Variants in CACNA2D2 observed in about 807,000 individuals in gnomAD.
CACNA2D2 encodes voltage-dependent calcium channel subunit alpha-2/delta-2.
CACNA2D2 carries 48 observed loss-of-function variants against 166.4 expected under a neutral mutation model. That is an observed-to-expected ratio of 0.29 (90% confidence interval 0.23 to 0.37). The LOEUF (loss-of-function observed/expected upper bound fraction) is 0.37, where lower values mean the gene tolerates loss of function less well. Ranked by LOEUF, CACNA2D2 falls within the 10% of genes least tolerant of loss-of-function variation. The probability of loss-of-function intolerance (pLI) is 1.00; values close to 1 mark genes in which losing one functional copy is unlikely to be tolerated. For missense variants in CACNA2D2, 1,122 were observed against 1,433.0 expected, an observed-to-expected ratio of 0.78 and a Z score of 3.50; for synonymous variants, 561 against 573.7, an observed-to-expected ratio of 0.98 and a Z score of 0.32.
chr3:50,367,361 G>C lies in CACNA2D2; in HGVS notation c.2401+33C>G. On this transcript the variant is annotated intron_variant, in intron 27 of 37. Transcript: ENST00000424201. This position sits in a 1 kb window ranked among gnomAD's most constrained non-coding sequence, Gnocchi z 6.5. ...GCAGACAGGGAAGCTGAGGCTCCCT[G>C]CCTGCTGCTGGGCACACTGCGGGGA... 1 of 1,584,426 alleles carries C rather than the reference G, an allele frequency of 6.3e-7. No individual in the cohort carries two copies. The highest frequency in any genetic ancestry group is 8.7e-7 in the Non-Finnish European group (1 of 1,154,208).
chr3:50,375,536 TG>T lies in CACNA2D2; in HGVS notation c.1907+107del. 1 of 1,190,904 alleles carries T rather than the reference TG, an allele frequency of 8.4e-7. No individual in the cohort carries two copies. Among genetic ancestry groups the T allele is most frequent in the Non-Finnish European group, 1.2e-6 (1 of 816,908 alleles). 73.8% of individuals were successfully genotyped at this position (1,190,904 alleles called of 1,614,324 possible). A position where few individuals can be genotyped will look rare whatever the true frequency, so the allele number is the denominator to read the frequency against. The stretch of plus-strand genomic sequence containing the variant: ...GTGAGTAGTGAGCAGCCCTGGCCAC[TG>T]GTGCCCCACTGGGATGGTGGTCACA... On this transcript the variant is annotated intron_variant, in intron 21 of 37. Coordinates refer to ENST00000424201, the MANE Select transcript of CACNA2D2 (RefSeq NM_006030.4). The surrounding 1 kb of genome is among the most constrained non-coding windows in gnomAD (Gnocchi z 4.0).
At chr3:50,391,034 C>T (rs1204112865) in intron 4 of CACNA2D2, among the ~76,000 whole-genome samples, 3 of 152,234 alleles carry the variant, frequency 2.0e-5, no homozygotes, top group African/African-American at 4.8e-5. Context: ...AGCCGTCTGT[C>T]GCTGGCTTGG....
chr3:50,471,947 G>T (rs1710117348), intron 2 of CACNA2D2, among the ~76,000 whole-genome samples: 1 of 152,240 alleles, frequency 6.6e-6, no homozygotes, highest in Admixed American at 6.5e-5. Context: ...ATAAGAAATG[G>T]AGACACACAG....
At chr3:50,381,760 G>A (rs1705327291) in intron 6 of CACNA2D2, among the ~76,000 whole-genome samples, 1 of 151,982 alleles carries the variant, frequency 6.6e-6, no homozygotes, top group African/African-American at 2.4e-5. Flanking sequence ...GTATACCTGT[G>A]TCTAACCTGT....
chr3:50,371,797 G>A (rs1294212958), intron 22 of CACNA2D2, among the ~76,000 whole-genome samples: 4 of 152,050 alleles, frequency 2.6e-5, no homozygotes, highest in East Asian at 1.9e-4. Context: ...AAAGGAGGGC[G>A]AAGGAGCAGG....
intron 3 of CACNA2D2, among the ~76,000 whole-genome samples, chr3:50,404,417 G>A (rs991085180): frequency 1.3e-5 from 2 of 152,120 alleles, no homozygotes; most frequent in Admixed American, 1.3e-4. Context: ...AGAAGTCCCC[G>A]GGGCTCTGCT....
chr3:50,414,131 A>G (rs1426422699), intron 3 of CACNA2D2, among the ~76,000 whole-genome samples: 1 of 152,178 alleles, frequency 6.6e-6, no homozygotes, highest in Non-Finnish European at 1.5e-5. Flanking sequence ...CAGCACAGCT[A>G]CAGACATCTC....
At chr3:50,420,263 T>C (rs980796610) in intron 3 of CACNA2D2, among the ~76,000 whole-genome samples, 2 of 152,210 alleles carry the variant, frequency 1.3e-5, no homozygotes, top group African/African-American at 4.8e-5. Context: ...GAAGGCTCCA[T>C]GCATGGTCCT....
intron 3 of CACNA2D2, among the ~76,000 whole-genome samples, chr3:50,402,861 T>C (rs532882566): frequency 9.8e-5 from 15 of 152,326 alleles, no homozygotes; most frequent in African/African-American, 3.6e-4. Flanking sequence ...ACCATGCAGA[T>C]AGCATTGGGT....
At chr3:50,440,770 C>G (rs997064463) in intron 2 of CACNA2D2, among the ~76,000 whole-genome samples, 5 of 152,070 alleles carry the variant, frequency 3.3e-5, no homozygotes, top group Non-Finnish European at 4.4e-5. Flanking sequence ...TCCCTGCCCT[C>G]CTGGGACTCT....
At chr3:50,466,270 G>A (rs942742113) in intron 2 of CACNA2D2, among the ~76,000 whole-genome samples, 5 of 141,318 alleles carry the variant, frequency 3.5e-5, no homozygotes, top group Non-Finnish European at 6.1e-5. Context: ...GTGTGTGTGC[G>A]CATGTGTGTG....
Position 50,456,752 on chromosome 3 carries a change from C to T in CACNA2D2, c.288+19366G>A, listed in dbSNP as rs192228674. 2.0e-3 allele frequency among the ~76,000 whole-genome samples: 297 copies of T among 152,276 alleles called. 3 individuals are homozygous for T. Among genetic ancestry groups the T allele is most frequent in the African/African-American group, 6.5e-3 (271 of 41,534 alleles). On this transcript the variant is annotated intron_variant, in intron 2 of 37. Coordinates refer to ENST00000424201, the MANE Select transcript of CACNA2D2 (RefSeq NM_006030.4). ...GAACACGGATAGTGTCCTGTTCCAC[C>T]GCCTGGTTTTACAAGAGAAAATTCA...
chr3:50,435,540 G>T (rs759100630), intron 2 of CACNA2D2, among the ~76,000 whole-genome samples: 27 of 151,304 alleles, frequency 1.8e-4, no homozygotes, highest in Non-Finnish European at 2.7e-4. Flanking sequence ...AGATAAGGAG[G>T]GGGGAGAGGC....
chr3:50,411,085 ACTGG>A (rs1706991573), intron 3 of CACNA2D2, among the ~76,000 whole-genome samples: 2 of 152,150 alleles, frequency 1.3e-5, no homozygotes, highest in Non-Finnish European at 2.9e-5. Flanking sequence ...GGGGTGGCTC[ACTGG>A]GCTGTGGCTC....
At chr3:50,463,536 CA>C (rs1179350530) in intron 2 of CACNA2D2, among the ~76,000 whole-genome samples, 1 of 152,146 alleles carries the variant, frequency 6.6e-6, no homozygotes, top group Non-Finnish European at 1.5e-5. Context: ...TCTATGCAGC[CA>C]AGGAAGCACT....
At position 50,503,338 on chromosome 3, in the gene CACNA2D2, G is replaced by C. The variant is rs1361376529; in HGVS notation, c.86C>G (p.Pro29Arg). 6 of 377,116 alleles carry C rather than the reference G, an allele frequency of 1.6e-5. No individual in the cohort carries two copies. Among genetic ancestry groups the C allele is most frequent in the Non-Finnish European group, 2.6e-5 (6 of 229,332 alleles). The allele number at this position is 377,116 out of a possible 1,614,324, so 23.4% of individuals were successfully genotyped here. The change falls in exon 1 of 38, where the codon CCT becomes CGT. Residue 29 changes from proline to arginine, a missense_variant. By Grantham distance (103) the Pro-to-Arg change is moderately radical. Coordinates refer to ENST00000424201, the MANE Select transcript of CACNA2D2 (RefSeq NM_006030.4). Reference sequence around the variant, plus strand: ...CGTCGGGCGCCGGGTGCCGGGGCCAGGGTGGGGGCCGCAGCCGGGCCAGGG... The same window carrying C: ...CGTCGGGCGCCGGGTGCCGGGGCCACGGTGGGGGCCGCAGCCGGGCCAGGG... The part of the protein sequence containing the change: ...ARPWPGCGPH[P>R]GPGTRRPTSG...
chr3:50,372,218 A>T (rs1434689292), intron 22 of CACNA2D2, among the ~76,000 whole-genome samples: 1 of 152,110 alleles, frequency 6.6e-6, no homozygotes, highest in Non-Finnish European at 1.5e-5. Context: ...GTGTGCCAGA[A>T]CCCTTCCTTT....
Position 50,441,395 on chromosome 3 carries a change from G to A in CACNA2D2, c.289-6966C>T, listed in dbSNP as rs60529584. Among the ~76,000 whole-genome samples the A allele has an allele frequency of 2.7e-4, 41 of 152,330 alleles. No individual in the cohort carries two copies. The East Asian group carries it at 7.7e-3, about 29-fold the overall frequency. On this transcript the variant is annotated intron_variant, in intron 2 of 37. Coordinates refer to ENST00000424201, the MANE Select transcript of CACNA2D2 (RefSeq NM_006030.4). ...TAGTGTAAAAAGTGCACTTGCTGCT[G>A]AGAATGGGAAATTACGCTGCCTCGT...
chr3:50,503,092 C>G, intron 1 of CACNA2D2, 126 bp downstream of exon 1: 2 of 444,846 alleles, frequency 4.5e-6, no homozygotes, highest in Non-Finnish European at 6.8e-6. Flanking sequence ...CGCCCCCGGG[C>G]GCAGCGGGCA....
Sources: allele counts gnomAD v4.1 joint callset (sites outside exome capture counted in the v4.1 genomes callset), GRCh38; gene constraint gnomAD v4.1.1; non-coding constraint Gnocchi (gnomAD v3.1); transcripts MANE v1.5; gene names NCBI Gene and HGNC (gene_info 2026-07-23, HGNC 2026-07-21).